The following ASB5 variants were observed in gnomAD, a reference collection of about 807,000 sequenced individuals.
ASB5 encodes the protein ankyrin repeat and SOCS box containing 5.
ASB5 carries 45 observed loss-of-function variants against 42.1 expected under a neutral mutation model. The ratio of observed to expected loss-of-function variants is 1.07; its 90% CI spans 0.84 to 1.37. The LOEUF (loss-of-function observed/expected upper bound fraction) is 1.37, where lower values mean the gene tolerates loss of function less well. ASB5 is among the 40% of genes most tolerant of loss of function. ASB5 has a pLI of 0.00. For missense variants in ASB5, 402 were observed against 399.8 expected (o/e 1.01, Z -0.05); for synonymous variants, 147 against 150.6 (o/e 0.98, Z 0.18).
chr4:176,228,206 A>C (rs1036588505), intron 1 of ASB5, among the ~76,000 whole-genome samples: 8 of 152,208 alleles, frequency 5.3e-5, no homozygotes, highest in Non-Finnish European at 1.2e-4. Context: ...TATTGTCTAC[A>C]CAGTCTTTAT....
rs1752907994 is a variant in ASB5 at position 176,214,249 on chromosome 4, A to C, written c.*1351T>G. The C allele has an allele frequency of 6.6e-6, 1 of 152,140 alleles. No homozygotes were observed. Among genetic ancestry groups the C allele is most frequent in the African/African-American group, 2.4e-5 (1 of 41,444 alleles). The allele number at this position is 152,140 out of a possible 1,614,324, so 9.4% of individuals were successfully genotyped here. On this transcript the variant is annotated 3_prime_UTR_variant, in exon 7 of 7. Transcript: ENST00000296525. The stretch of plus-strand genomic sequence containing the variant: ...GAAGTTAGCCAAGAAGTCAGAAGAA[A>C]ATAAGCCCTGGGTTGTTGAAAATAG...
At chr4:176,233,901 C>T (rs577995196) in intron 1 of ASB5, among the ~76,000 whole-genome samples, 35 of 152,268 alleles carry the variant, frequency 2.3e-4, no homozygotes, top group South Asian at 2.3e-3. Flanking sequence ...TCTCCCGATC[C>T]GCAAATGGCA....
At chr4:176,272,444 G>T (rs1754486058), upstream of ASB5, among the ~76,000 whole-genome samples, 1 of 152,140 alleles carries the variant, frequency 6.6e-6, no homozygotes. Flanking sequence ...GTGGGAATCA[G>T]GACATCAGTG....
At chr4:176,232,137 T>C (rs1425819143) in intron 1 of ASB5, among the ~76,000 whole-genome samples, 2 of 151,306 alleles carry the variant, frequency 1.3e-5, no homozygotes, top group Non-Finnish European at 2.9e-5. Context: ...ACTTTTTTTT[T>C]TTGAGTTGGA....
In ASB5 at chr4:176,246,793, T is replaced by G. The variant is rs142295916; in HGVS notation, c.197-21452A>C. Among the ~76,000 whole-genome samples, 42 of 152,208 alleles carry G rather than the reference T, an allele frequency of 2.8e-4. No homozygotes were observed. In the East Asian group the frequency reaches 7.9e-3, roughly 29 times the overall value. ...TTCCCTCTCAATTGAAAAACAAAAA[T>G]GAACACTCCCTACCACCAATCTATT... On this transcript the variant is annotated intron_variant, in intron 1 of 6. Coordinates refer to ENST00000296525, the MANE Select transcript of ASB5 (RefSeq NM_080874.4).
intron 1 of ASB5, among the ~76,000 whole-genome samples, chr4:176,276,120 C>T (rs1042517859): frequency 3.9e-5 from 6 of 152,226 alleles, no homozygotes; most frequent in African/African-American, 1.2e-4. Flanking sequence ...TGCACCTCCA[C>T]TTCCTTACCT....
In ASB5 at chr4:176,259,730, T is replaced by C. The variant is rs560852113; in HGVS notation, c.196+9183A>G. 2.0e-5 allele frequency among the ~76,000 whole-genome samples: 3 copies of C among 152,352 alleles called. No individual in the cohort carries two copies. The South Asian group carries it at 6.2e-4, about 32-fold the overall frequency. ...CTTTCATTTAAATCACACTGCACAC[T>C]TGACAGCTGAGGTGAGCCAGTGCTT... is the stretch of plus-strand genomic sequence containing the variant. On this transcript the variant is annotated intron_variant, in intron 1 of 6. Transcript: ENST00000296525.
intron 1 of ASB5, among the ~76,000 whole-genome samples, chr4:176,228,123 T>G (rs1177608833): frequency 1.3e-5 from 2 of 152,260 alleles, no homozygotes; most frequent in Admixed American, 1.3e-4. Flanking sequence ...AAGATCTTTT[T>G]AATTTAGTGG....
chr4:176,217,678 T>A (rs756023324), intron 5 of ASB5, among the ~76,000 whole-genome samples: 8 of 152,132 alleles, frequency 5.3e-5, no homozygotes, highest in Non-Finnish European at 5.9e-5. Context: ...CTACATTACC[T>A]ATTGCACACT....
Position 176,234,590 on chromosome 4 carries a change from T to G in ASB5, c.197-9249A>C, listed in dbSNP as rs958311392. 2.6e-5 allele frequency among the ~76,000 whole-genome samples: 4 copies of G among 152,210 alleles called. No homozygotes were observed. In the South Asian group the frequency reaches 6.2e-4, roughly 24 times the overall value. ...AGAAAGCGAGACTCAGTTGATTTCA[T>G]TCATTACCATATCCTCAATACCTAG... On this transcript the variant is annotated intron_variant, in intron 1 of 6. Coordinates refer to ENST00000296525, the MANE Select transcript of ASB5 (RefSeq NM_080874.4).
intron 1 of ASB5, among the ~76,000 whole-genome samples, chr4:176,252,069 A>G (rs1754048807): frequency 1.5e-5 from 1 of 68,942 alleles, no homozygotes; most frequent in Non-Finnish European, 2.8e-5. Flanking sequence ...TTGTCTCAAA[A>G]AAAAAAAAAA....
intron 1 of ASB5, among the ~76,000 whole-genome samples, chr4:176,226,966 C>T (rs190683471): frequency 1.4e-4 from 22 of 152,332 alleles, no homozygotes; most frequent in Middle Eastern, 3.4e-3. Flanking sequence ...ATTCTATTGC[C>T]TGTTGCTATA....
At position 176,214,227 on chromosome 4, in the gene ASB5, G is replaced by T. The variant is rs1218497330; in HGVS notation, c.*1373C>A. ...TAATTTATTTTCCCATAGTCTGGAA[G>T]TTAGCCAAGAAGTCAGAAGAAAATA... On this transcript the variant is annotated 3_prime_UTR_variant, in exon 7 of 7. Coordinates refer to ENST00000296525, the MANE Select transcript of ASB5 (RefSeq NM_080874.4). 6.6e-6 allele frequency: 1 copy of T among 152,078 alleles called. No homozygotes were observed. The highest frequency in any genetic ancestry group is 1.5e-5 in the Non-Finnish European group (1 of 67,998). The allele number at this position is 152,078 out of a possible 1,614,324, so 9.4% of individuals were successfully genotyped here.
At chr4:176,222,612 T>C (rs1753250571) in intron 2 of ASB5, among the ~76,000 whole-genome samples, 192 bp from the exon 3 acceptor site, 1 of 152,196 alleles carries the variant, frequency 6.6e-6, no homozygotes, top group East Asian at 1.9e-4. Flanking sequence ...AGCCCTATTA[T>C]TGTGGCACCC....
At chr4:176,227,987 G>A (rs933005876) in intron 1 of ASB5, among the ~76,000 whole-genome samples, 4 of 152,134 alleles carry the variant, frequency 2.6e-5, no homozygotes, top group African/African-American at 9.7e-5. Context: ...GTAGGCTGTT[G>A]CTTGACAAGA....
At chr4:176,241,465 T>C (rs1436231740) in intron 1 of ASB5, 1 of 1,534,874 alleles carries the variant, frequency 6.5e-7, no homozygotes, top group Non-Finnish European at 8.7e-7. Context: ...CTTTTACCTG[T>C]TACTGCCAAA....
At chr4:176,234,166 G>C (rs1266826530) in intron 1 of ASB5, among the ~76,000 whole-genome samples, 5 of 152,170 alleles carry the variant, frequency 3.3e-5, no homozygotes, top group Admixed American at 2.6e-4. Flanking sequence ...CTAAACATGG[G>C]AGCCAAAGCA....
chr4:176,264,505 G>T (rs1316499527), intron 1 of ASB5, among the ~76,000 whole-genome samples: 1 of 152,148 alleles, frequency 6.6e-6, no homozygotes, highest in Non-Finnish European at 1.5e-5. Flanking sequence ...AAGCCTTGGT[G>T]TTTAAAAATA....
Position 176,228,452 on chromosome 4 carries a change from A to G in ASB5, c.197-3111T>C, listed in dbSNP as rs138633671. 4.3e-4 allele frequency among the ~76,000 whole-genome samples: 66 copies of G among 152,336 alleles called. No homozygotes were observed. The East Asian group carries it at 0.012, about 28-fold the overall frequency. ...AGAATAACGATAATTGAGGTTTACA[A>G]TTAAAGACATTACAACTCCCAAAAG... On this transcript the variant is annotated intron_variant, in intron 1 of 6. Transcript: ENST00000296525.
Sources: allele counts gnomAD v4.1 joint callset (sites outside exome capture counted in the v4.1 genomes callset), GRCh38; gene constraint gnomAD v4.1.1; transcripts MANE v1.5; gene names NCBI Gene and HGNC (gene_info 2026-07-23, HGNC 2026-07-21).